The following CACNA2D3 variants were observed in gnomAD, a reference collection of about 807,000 sequenced individuals.
CACNA2D3 encodes voltage-dependent calcium channel subunit alpha-2/delta-3.
CACNA2D3 carries 60 observed loss-of-function variants against 160.6 expected under a neutral mutation model. The ratio of observed to expected loss-of-function variants is 0.37; its 90% confidence interval spans 0.30 to 0.46. The LOEUF is 0.46. Among genes scored for constraint, CACNA2D3 ranks in the 20% least tolerant of loss-of-function variants. CACNA2D3 has a pLI of 1.00. For synonymous variants in CACNA2D3, 558 were observed against 492.9 expected (o/e 1.13, Z -1.75); for missense variants, 1,205 against 1,365.0 (o/e 0.88, Z 1.85).
intron 27 of CACNA2D3, among the ~76,000 whole-genome samples, chr3:54,922,976 C>T (rs896312165): frequency 1.1e-4 from 17 of 152,182 alleles, no homozygotes; most frequent in African/African-American, 4.1e-4. Context: ...TTCAGTATTC[C>T]AAGTATCTCC....
At position 55,004,822 on chromosome 3, in the gene CACNA2D3, C is replaced by T. The variant is rs762386752; in HGVS notation, c.2750C>T (p.Ala917Val). 28 of 1,612,776 alleles carry T rather than the reference C, an allele frequency of 1.7e-5. No individual in the cohort carries two copies. In the Admixed American group the frequency reaches 4.7e-4, roughly 27 times the overall value. ...CRANKESSDG[A>V]HGLLDPYNAF... is the part of the protein sequence containing the mutation. ...GCCAACAAGGAAAGCAGCGATGGCG[C>T]CCATGGCCTCCTGGATGTAAGTACT... is the stretch of plus-strand genomic sequence containing the variant. The change falls in exon 32 of 38, where the codon GCC becomes GTC. Residue 917 changes from alanine to valine, a missense_variant. By Grantham distance (64) the Ala-to-Val change is moderately conservative. Transcript: ENST00000474759.
intron 14 of CACNA2D3, among the ~76,000 whole-genome samples, chr3:54,832,510 T>C (rs1263343159): frequency 6.6e-6 from 1 of 152,216 alleles, no homozygotes; most frequent in Admixed American, 6.5e-5. Context: ...TATCCTTAAG[T>C]ATAAAGCAAT....
rs569252667 is a variant in CACNA2D3, at chr3:54,676,614, A to G, written c.1167+34373A>G. Among the ~76,000 whole-genome samples, 5 of 152,262 alleles carry G rather than the reference A, an allele frequency of 3.3e-5. No individual in the cohort carries two copies. The East Asian group carries it at 9.7e-4, about 29-fold the overall frequency. Reference sequence around the variant, plus strand: ...TCTGCTGCATCTTGGTATCCAGATCATTGGAATTGCCCTTCCCATAGGCTG... The same window carrying G: ...TCTGCTGCATCTTGGTATCCAGATCGTTGGAATTGCCCTTCCCATAGGCTG... On this transcript the variant is annotated intron_variant, in intron 11 of 37. Transcript: ENST00000474759.
At chr3:55,019,110 T>TCTTTCTTTCTTTCTTTC (rs368979475) in intron 35 of CACNA2D3, among the ~76,000 whole-genome samples, 4 of 151,530 alleles carry the variant, frequency 2.6e-5, no homozygotes, top group African/African-American at 9.7e-5. Context: ...TTTCTTTCTT[T>TCTTTCTTTCTTTCTTTC]TTTTAATAAG....
chr3:55,052,438 A>G (rs1704249731), intron 35 of CACNA2D3, among the ~76,000 whole-genome samples: 2 of 140,534 alleles, frequency 1.4e-5, no homozygotes, highest in African/African-American at 5.2e-5. Flanking sequence ...ACACATATAT[A>G]TGTATATACC....
intron 2 of CACNA2D3, among the ~76,000 whole-genome samples, chr3:54,290,694 T>C (rs1219587739): frequency 6.6e-6 from 1 of 151,342 alleles, no homozygotes; most frequent in Non-Finnish European, 1.5e-5. Context: ...ATTAAGAAAA[T>C]GTGGCACATA....
In CACNA2D3 at chr3:54,867,528, TAA is replaced by T. The variant is rs10663088; in HGVS notation, c.1627-3998_1627-3997del. 1.8e-3 allele frequency among the ~76,000 whole-genome samples: 246 copies of T among 137,924 alleles called. 1 individual carries two copies. Among genetic ancestry groups the T allele is most frequent in the Middle Eastern group, 7.6e-3 (2 of 264 alleles). The allele number at this position is 137,924 out of a possible 152,430, so 90.5% of individuals were successfully genotyped here. ...CAATGCTTAAGATCTAAGCCAGCTT[TAA>T]AAAAAAAAAAAAGGCCTTTAAAAGG... On this transcript the variant is annotated intron_variant, in intron 17 of 37. Coordinates refer to ENST00000474759, the MANE Select transcript of CACNA2D3 (RefSeq NM_018398.3).
chr3:54,350,058 T>C (rs1698526069), intron 3 of CACNA2D3, among the ~76,000 whole-genome samples: 1 of 152,208 alleles, frequency 6.6e-6, no homozygotes, highest in Non-Finnish European at 1.5e-5. Context: ...CCTTCAACTC[T>C]GGCTGCTGAT....
intron 4 of CACNA2D3, among the ~76,000 whole-genome samples, chr3:54,398,104 T>G (rs1458142356): frequency 1.1e-3 from 68 of 60,664 alleles, no homozygotes; most frequent in African/African-American, 4.1e-3. Flanking sequence ...TCTTTGTTGG[T>G]TTAAAGTCTG....
intron 2 of CACNA2D3, among the ~76,000 whole-genome samples, chr3:54,209,983 G>C (rs1051208254): frequency 3.9e-5 from 6 of 152,224 alleles, no homozygotes; most frequent in Middle Eastern, 3.4e-3. Flanking sequence ...CATATTTATA[G>C]GGCATCTACT....
chr3:54,345,431 T>C (rs1389143324), intron 3 of CACNA2D3, among the ~76,000 whole-genome samples: 1 of 152,246 alleles, frequency 6.6e-6, no homozygotes, highest in Non-Finnish European at 1.5e-5. Context: ...TAAACACTAC[T>C]GCTGAAGGGA....
chr3:54,701,399 C>T (rs930907004), intron 11 of CACNA2D3, among the ~76,000 whole-genome samples: 1 of 152,190 alleles, frequency 6.6e-6, no homozygotes, highest in African/African-American at 2.4e-5. Context: ...AGATTTCCCC[C>T]TCCATCCTCT....
At chr3:54,348,697 G>C (rs1257259235) in intron 3 of CACNA2D3, among the ~76,000 whole-genome samples, 1 of 152,204 alleles carries the variant, frequency 6.6e-6, no homozygotes, top group Non-Finnish European at 1.5e-5. Context: ...GAGATGCTGT[G>C]TCAGAAACAC....
chr3:54,724,165 CAAA>C (rs1701231244), intron 11 of CACNA2D3, among the ~76,000 whole-genome samples: 1 of 152,052 alleles, frequency 6.6e-6, no homozygotes, highest in Non-Finnish European at 1.5e-5. Flanking sequence ...TTGAAAGAGA[CAAA>C]GAAGGGCATT....
chr3:54,194,828 TA>T (rs1701049975), intron 2 of CACNA2D3, among the ~76,000 whole-genome samples: 1 of 152,192 alleles, frequency 6.6e-6, no homozygotes, highest in Non-Finnish European at 1.5e-5. Flanking sequence ...CCTCATGATT[TA>T]ATCACCTCCT....
At chr3:54,584,130 C>G (rs1448262662) in intron 9 of CACNA2D3, among the ~76,000 whole-genome samples, 1 of 151,910 alleles carries the variant, frequency 6.6e-6, no homozygotes, top group Non-Finnish European at 1.5e-5. Context: ...AAATCGGATC[C>G]AGAGTCTCAT....
Position 54,711,641 on chromosome 3 carries a change from A to G in CACNA2D3, c.1168-40958A>G, listed in dbSNP as rs1174739873. The stretch of plus-strand genomic sequence containing the variant: ...GGATTACCATGATTAACATAGACCA[A>G]TCGTGATTCCACACTGGGACTTGGG... On this transcript the variant is annotated intron_variant, in intron 11 of 37. Coordinates refer to ENST00000474759, the MANE Select transcript of CACNA2D3 (RefSeq NM_018398.3). Among the ~76,000 whole-genome samples, 31 of 152,338 alleles carry G rather than the reference A, an allele frequency of 2.0e-4. 1 individual carries two copies.
rs140598916 is a variant in CACNA2D3 at position 54,339,427 on chromosome 3, T to G, written c.321+18869T>G. Among the ~76,000 whole-genome samples the G allele has an allele frequency of 1.3e-3, 204 of 152,322 alleles. 2 individuals are homozygous for G. Among genetic ancestry groups the G allele is most frequent in the African/African-American group, 4.6e-3 (190 of 41,576 alleles). On this transcript the variant is annotated intron_variant, in intron 3 of 37. Coordinates refer to ENST00000474759, the MANE Select transcript of CACNA2D3 (RefSeq NM_018398.3). The stretch of plus-strand genomic sequence containing the variant: ...TAACACCTCCCACCACGACCGCTGT[T>G]ACGCTATCATTTTCTCTCATGTTGT...
intron 11 of CACNA2D3, among the ~76,000 whole-genome samples, chr3:54,688,517 G>A (rs1013054180): frequency 2.0e-5 from 3 of 151,652 alleles, no homozygotes; most frequent in South Asian, 2.1e-4. Flanking sequence ...GTTTCTATTC[G>A]CATCCTTTCT....
Sources: gnomAD v4.1 joint callset for allele counts (sites outside exome capture counted in the v4.1 genomes callset) on GRCh38, gnomAD v4.1.1 for gene constraint, MANE v1.5 for transcripts, NCBI Gene and HGNC (gene_info 2026-07-23, HGNC 2026-07-21) for gene names.